Variants in EYS observed in about 807,000 individuals in gnomAD.
The protein encoded by EYS is EGF-like photoreceptor maintenance factor, also known as protein eyes shut homolog.
In EYS, 250 loss-of-function variants were observed where a neutral mutation model predicts 282.1. The ratio of observed to expected loss-of-function variants is 0.89; its 90% CI spans 0.80 to 0.98. The LOEUF (loss-of-function observed/expected upper bound fraction) is 0.98. Among genes scored for constraint, EYS ranks in the 50% least tolerant of loss-of-function variants. EYS has a pLI of 0.00. For missense variants in EYS, 4,016 were observed against 3,709.0 expected (o/e 1.08, Z -2.15); for synonymous variants, 1,355 against 1,282.9 (o/e 1.06, Z -1.20).
chr6:64,970,732 G>A (rs1423392964), intron 14 of EYS, among the ~76,000 whole-genome samples: 1 of 152,156 alleles, frequency 6.6e-6, no homozygotes, highest in Non-Finnish European at 1.5e-5. Flanking sequence ...AGTGCCACTA[G>A]TGATGCTGCA....
chr6:63,920,066 T>C (rs1764527544), intron 35 of EYS, among the ~76,000 whole-genome samples: 1 of 152,206 alleles, frequency 6.6e-6, no homozygotes, highest in East Asian at 1.9e-4. Context: ...ATCTATCTAG[T>C]TTGTGTGTAT....
Position 63,867,007 on chromosome 6 carries a change from C to A in EYS, c.7056-2649G>T, listed in dbSNP as rs568071742. ...TCTCCTATCCAGATCTTGTCAGATC[C>A]TGTTATTAAATCACAACTTCTTCAA... On this transcript the variant is annotated intron_variant, in intron 35 of 42. Coordinates refer to ENST00000503581, the MANE Select transcript of EYS (RefSeq NM_001142800.2). 7.9e-4 allele frequency among the ~76,000 whole-genome samples: 121 copies of A among 152,290 alleles called. 1 individual carries two copies. Among genetic ancestry groups the A allele is most frequent in the African/African-American group, 2.8e-3 (116 of 41,566 alleles).
intron 12 of EYS, among the ~76,000 whole-genome samples, chr6:65,183,169 A>G (rs1349339765): frequency 6.6e-6 from 1 of 152,006 alleles, no homozygotes; most frequent in African/African-American, 2.4e-5. Context: ...GTTGAGAAAT[A>G]AAGGACAGTA....
intron 31 of EYS, among the ~76,000 whole-genome samples, chr6:64,089,560 A>G (rs1194620851): frequency 6.0e-5 from 9 of 151,244 alleles, no homozygotes. Flanking sequence ...TTACCACATT[A>G]TACATTTTTG....
rs143527001 is a variant in EYS at position 64,352,604 on chromosome 6, C to A, written c.6078+36086G>T. Among the ~76,000 whole-genome samples the A allele has an allele frequency of 8.7e-3, 1,314 of 151,554 alleles. 26 individuals carry two copies. Among genetic ancestry groups the A allele is most frequent in the African/African-American group, 0.029 (1,204 of 41,426 alleles). On this transcript the variant is annotated intron_variant, in intron 29 of 42. Coordinates refer to ENST00000503581, the MANE Select transcript of EYS (RefSeq NM_001142800.2). ...CATCCAACTCAGTGATGGTATATAG[C>A]AAGTCCTTAATAAATATCTGTTGAC...
In EYS at chr6:65,569,166, TCTC is replaced by T. The variant is rs1257749980; in HGVS notation, c.-333+70609_-333+70611del. Among the ~76,000 whole-genome samples, 13 of 152,092 alleles carry T rather than the reference TCTC, an allele frequency of 8.5e-5. No individual in the cohort carries two copies. The East Asian group carries it at 2.5e-3, about 29-fold the overall frequency. On this transcript the variant is annotated intron_variant, in intron 2 of 42. Coordinates refer to ENST00000503581, the MANE Select transcript of EYS (RefSeq NM_001142800.2). ...GATGACATTACCTTGTGAAATTCCT[TCTC>T]CTGGCTCATCCCGGCTCAAAAGCTC... is the stretch of plus-strand genomic sequence containing the variant.
At chr6:64,693,547 A>G (rs1245560713) in intron 22 of EYS, among the ~76,000 whole-genome samples, 2 of 152,206 alleles carry the variant, frequency 1.3e-5, no homozygotes, top group Non-Finnish European at 2.9e-5. Context: ...GTGAATGTAA[A>G]GGCTTGCTGC....
chr6:63,961,463 C>T (rs1183409335), intron 35 of EYS, among the ~76,000 whole-genome samples: 2 of 151,856 alleles, frequency 1.3e-5, no homozygotes, highest in Admixed American at 6.6e-5. Context: ...CCCCCTTTGA[C>T]TGTAATTTTC....
chr6:63,983,541 C>T (rs548064668), intron 35 of EYS, among the ~76,000 whole-genome samples: 151 of 151,732 alleles, frequency 1.0e-3, no homozygotes, highest in African/African-American at 3.5e-3. Context: ...CTTTTCTACA[C>T]TGTGTATAGA....
intron 24 of EYS, among the ~76,000 whole-genome samples, chr6:64,613,041 T>C (rs1407975293): frequency 1.3e-5 from 2 of 152,142 alleles, no homozygotes; most frequent in Non-Finnish European, 2.9e-5. Context: ...CAATTAAAAA[T>C]TCAATACAAA....
intron 2 of EYS, among the ~76,000 whole-genome samples, chr6:65,591,081 T>G (rs867008619): frequency 5.3e-5 from 8 of 152,074 alleles, no homozygotes; most frequent in South Asian, 2.1e-4. Context: ...TGCACTAATT[T>G]ACATTCCCAC....
intron 24 of EYS, among the ~76,000 whole-genome samples, chr6:64,611,430 C>A (rs1394275608): frequency 6.6e-6 from 1 of 152,148 alleles, no homozygotes. Context: ...AATATTACTA[C>A]CAAATAAGCG....
intron 15 of EYS, among the ~76,000 whole-genome samples, chr6:64,915,165 A>C (rs754306858): frequency 6.6e-6 from 1 of 152,106 alleles, no homozygotes; most frequent in Non-Finnish European, 1.5e-5. Flanking sequence ...TATCTAAAAA[A>C]CAAAACAAAA....
chr6:65,386,242 C>G (rs1765798850), intron 7 of EYS, among the ~76,000 whole-genome samples: 1 of 151,300 alleles, frequency 6.6e-6, no homozygotes. Context: ...AGAGACCCCC[C>G]AAATACTATC....
chr6:64,096,993 C>G (rs925780038), intron 31 of EYS, among the ~76,000 whole-genome samples: 1 of 152,208 alleles, frequency 6.6e-6, no homozygotes, highest in Admixed American at 6.5e-5. Context: ...AGCTGCAGGT[C>G]TGTTGGAGTT....
intron 2 of EYS, among the ~76,000 whole-genome samples, chr6:65,568,609 G>T (rs1764366996): frequency 1.3e-5 from 2 of 152,116 alleles, no homozygotes; most frequent in Non-Finnish European, 2.9e-5. Flanking sequence ...AAAGAGTTGA[G>T]CATGACTTTT....
chr6:65,351,231 T>A (rs1055842905), intron 9 of EYS, among the ~76,000 whole-genome samples: 1 of 151,800 alleles, frequency 6.6e-6, no homozygotes, highest in African/African-American at 2.4e-5. Context: ...ACTGTTTCTT[T>A]TCCATTGGAA....
chr6:64,271,532 T>A (rs1767938648), intron 30 of EYS, among the ~76,000 whole-genome samples: 1 of 152,180 alleles, frequency 6.6e-6, no homozygotes, highest in Admixed American at 6.5e-5. Context: ...ATTATGAAGT[T>A]ATAGAGAGAG....
chr6:65,513,575 C>A (rs199661365), intron 2 of EYS, among the ~76,000 whole-genome samples: 13 of 149,754 alleles, frequency 8.7e-5, no homozygotes, highest in African/African-American at 2.5e-4. Flanking sequence ...AGCAGCACAT[C>A]AAAAAGCTTA....
Sources: gnomAD v4.1 joint callset for allele counts (sites outside exome capture counted in the v4.1 genomes callset) on GRCh38, gnomAD v4.1.1 for gene constraint, MANE v1.5 for transcripts, NCBI Gene and HGNC (gene_info 2026-07-23, HGNC 2026-07-21) for gene names.